The following EXT2 variants were observed in gnomAD, a reference collection of about 807,000 sequenced individuals.
EXT2 encodes the protein exostosin-2.
A neutral mutation model predicts 81.6 loss-of-function variants in EXT2; 53 were observed. That is an observed-to-expected ratio of 0.65 (90% CI 0.52 to 0.82). EXT2 has a LOEUF of 0.82. Among genes scored for constraint, EXT2 ranks in the 40% least tolerant of loss-of-function variants. The pLI, the probability that EXT2 is intolerant of heterozygous loss-of-function variation, is 0.00. For synonymous variants in EXT2, 320 were observed against 340.0 expected (o/e 0.94, Z 0.65); for missense variants, 774 against 910.2 (o/e 0.85, Z 1.93).
At chr11:44,101,361 T>A (rs1953979439) in intron 1 of EXT2, among the ~76,000 whole-genome samples, 1 of 152,122 alleles carries the variant, frequency 6.6e-6, no homozygotes, top group African/African-American at 2.4e-5. Flanking sequence ...TATTTGGCAA[T>A]GTCTGGATAT....
chr11:44,158,405 T>C (rs1052263697), intron 7 of EXT2, among the ~76,000 whole-genome samples: 5 of 152,180 alleles, frequency 3.3e-5, no homozygotes, highest in Admixed American at 1.3e-4. Context: ...TTTCTGTAAA[T>C]GGGATGGCAA....
At chr11:44,106,343 C>T (rs1366911053) in intron 1 of EXT2, among the ~76,000 whole-genome samples, 2 of 152,076 alleles carry the variant, frequency 1.3e-5, no homozygotes, top group Non-Finnish European at 2.9e-5. Flanking sequence ...CTTTGTCTCT[C>T]CTACCCCATT....
intron 1 of EXT2, among the ~76,000 whole-genome samples, chr11:44,099,254 C>T (rs1324523977): frequency 6.6e-6 from 1 of 152,104 alleles, no homozygotes; most frequent in Non-Finnish European, 1.5e-5. Context: ...GGCGCGATCT[C>T]GGTTCACTGC....
At chr11:44,143,155 T>C (rs1022946728) in intron 7 of EXT2, among the ~76,000 whole-genome samples, 1 of 152,208 alleles carries the variant, frequency 6.6e-6, no homozygotes, top group African/African-American at 2.4e-5. Context: ...TTTCACTATG[T>C]TGACCAGGCA....
chr11:44,215,503 C>G (rs1955707324), intron 10 of EXT2, among the ~76,000 whole-genome samples: 1 of 152,038 alleles, frequency 6.6e-6, no homozygotes, highest in South Asian at 2.1e-4. Flanking sequence ...AACTATATGG[C>G]CCCATAAAAG....
intron 7 of EXT2, among the ~76,000 whole-genome samples, chr11:44,158,572 A>AT (rs2135099920): frequency 6.6e-6 from 1 of 150,832 alleles, no homozygotes; most frequent in South Asian, 2.1e-4. Flanking sequence ...AAATTAATTA[A>AT]TTTTAATAAA....
At chr11:44,127,169 T>C (rs1040696122) in intron 6 of EXT2, among the ~76,000 whole-genome samples, 11 of 152,198 alleles carry the variant, frequency 7.2e-5, no homozygotes, top group Admixed American at 5.2e-4. Flanking sequence ...CAAGTTTTAT[T>C]GAAACACAGC....
intron 7 of EXT2, among the ~76,000 whole-genome samples, chr11:44,149,893 T>G (rs909763703): frequency 1.3e-5 from 2 of 152,228 alleles, no homozygotes; most frequent in African/African-American, 4.8e-5. Flanking sequence ...TTTGAGTGAC[T>G]CATAGTTTTG....
At chr11:44,221,836 C>T (rs1029072312) in intron 10 of EXT2, among the ~76,000 whole-genome samples, 23 of 152,282 alleles carry the variant, frequency 1.5e-4, no homozygotes, top group African/African-American at 5.5e-4. Flanking sequence ...CAACTGCCTG[C>T]AAAATCGTGA....
At chr11:44,181,307 C>A (rs900883628) in intron 8 of EXT2, among the ~76,000 whole-genome samples, 32 of 152,148 alleles carry the variant, frequency 2.1e-4, no homozygotes, top group African/African-American at 7.5e-4. Context: ...TCCTTCCTGG[C>A]AAATTCTGTG....
rs373289948 is a variant in EXT2 at position 44,139,644 on chromosome 11, C to T, written c.1173+9506C>T. Among the ~76,000 whole-genome samples, 8 of 152,148 alleles carry T rather than the reference C, an allele frequency of 5.3e-5. 1 individual carries two copies. Among genetic ancestry groups the T allele is most frequent in the East Asian group, 1.9e-4 (1 of 5,192 alleles). On this transcript the variant is annotated intron_variant, in intron 7 of 13. Coordinates refer to ENST00000533608, the MANE Select transcript of EXT2 (RefSeq NM_207122.2). ...CAGCTCCATCCCCTATTGGAAATCC[C>T]GCTGGAAAGGGGAGACGAGCTTCAT...
At chr11:44,196,193 T>C (rs1167449126) in intron 8 of EXT2, among the ~76,000 whole-genome samples, 3 of 152,240 alleles carry the variant, frequency 2.0e-5, no homozygotes, top group Non-Finnish European at 4.4e-5. Flanking sequence ...CTTTTGAGAA[T>C]TGTACATTGA....
At chr11:44,162,989 C>A (rs923135215) in intron 7 of EXT2, among the ~76,000 whole-genome samples, 1 of 152,072 alleles carries the variant, frequency 6.6e-6, no homozygotes, top group African/African-American at 2.4e-5. Context: ...GTATATTAAC[C>A]TTTTTGCTTC....
intron 13 of EXT2, among the ~76,000 whole-genome samples, chr11:44,236,791 T>C (rs905656931): frequency 6.6e-6 from 1 of 152,186 alleles, no homozygotes; most frequent in Non-Finnish European, 1.5e-5. Flanking sequence ...TTACCTTTGC[T>C]GACACTATGG....
At chr11:44,117,317 T>C (rs1273714683) in intron 4 of EXT2, among the ~76,000 whole-genome samples, 1 of 152,206 alleles carries the variant, frequency 6.6e-6, no homozygotes, top group Non-Finnish European at 1.5e-5. Context: ...CTCATTTTGA[T>C]GAAGTCAATT....
intron 1 of EXT2, among the ~76,000 whole-genome samples, chr11:44,101,308 A>G (rs192475539): frequency 2.0e-5 from 3 of 152,222 alleles, no homozygotes; most frequent in Admixed American, 2.0e-4. Flanking sequence ...AACGACCCAT[A>G]CCAGTGGTTT....
At chr11:44,148,261 G>A (rs756091818) in intron 7 of EXT2, among the ~76,000 whole-genome samples, 1 of 152,160 alleles carries the variant, frequency 6.6e-6, no homozygotes, top group African/African-American at 2.4e-5. Context: ...CTTGGTTATT[G>A]TTATTCTAAG....
rs1956107325 is a variant in EXT2 at position 44,247,648 on chromosome 11, T to C, written c.*3361T>C. Among the ~76,000 whole-genome samples the C allele has an allele frequency of 6.6e-6, 1 of 152,200 alleles. No homozygotes were observed. The highest frequency in any genetic ancestry group is 1.5e-5 in the Non-Finnish European group (1 of 68,042). On this transcript the variant is annotated 3_prime_UTR_variant, in exon 14 of 14. Transcript: ENST00000533608. ...TACTTCCAGCTGGGCTTTGAACTTG[T>C]GGTTTTTAAGTGCTGGTTTCTCTGC...
chr11:44,159,270 G>A (rs1233888101), intron 7 of EXT2, among the ~76,000 whole-genome samples: 1 of 151,266 alleles, frequency 6.6e-6, no homozygotes, highest in African/African-American at 2.4e-5. Flanking sequence ...TTCTCTTCTG[G>A]TATTTTCATT....
Sources: gnomAD v4.1 joint callset for allele counts (sites outside exome capture counted in the v4.1 genomes callset) on GRCh38, gnomAD v4.1.1 for gene constraint, MANE v1.5 for transcripts, NCBI Gene and HGNC (gene_info 2026-07-23, HGNC 2026-07-21) for gene names.